KRR1: variants seen among roughly 807,000 people sequenced by gnomAD.
KRR1 encodes the protein KRR1 small subunit processome component.
KRR1 carries 23 observed loss-of-function variants against 50.0 expected under a neutral mutation model. The observed-to-expected ratio is 0.46, with a 90% CI of 0.33 to 0.65. KRR1 has a LOEUF of 0.65. Ranked by LOEUF, KRR1 falls within the 30% of genes least tolerant of loss-of-function variation. The probability of loss-of-function intolerance (pLI) is 0.02; values close to 1 mark genes in which losing one functional copy is unlikely to be tolerated. For synonymous variants in KRR1, 133 were observed against 146.3 expected (o/e 0.91, Z 0.66); for missense variants, 419 against 442.4 (o/e 0.95, Z 0.47).
intron 9 of KRR1, chr12:75,501,437 ATGCACTGGCTGCC>A (rs2046393055): frequency 3.4e-6 from 1 of 291,054 alleles, no homozygotes; most frequent in Non-Finnish European, 6.4e-6. Flanking sequence ...TCTACAGAAG[ATGCACTGGCTGCC>A]CTGGGTTTGT....
At chr12:75,502,649 T>C (rs1012278594) in intron 7 of KRR1, 2 of 152,052 alleles carry the variant, frequency 1.3e-5, no homozygotes, top group African/African-American at 4.8e-5. Flanking sequence ...GGTATTACCA[T>C]TACTCCCACT....
chr12:75,506,300 A>G lies in KRR1; in HGVS notation c.603+16T>C, dbSNP rs754680414. ...TCTCTGCTGAAAATGAATCGAAGAT[A>G]ATACATAGTTCTCACCTCTTTTAAG... is the stretch of plus-strand genomic sequence containing the variant. On this transcript the variant is annotated intron_variant, in intron 5 of 9. Transcript: ENST00000229214. 1 of 1,491,260 alleles carries G rather than the reference A, an allele frequency of 6.7e-7. No homozygotes were observed. Among genetic ancestry groups the G allele is most frequent in the Non-Finnish European group, 9.2e-7 (1 of 1,081,790 alleles). The allele number at this position is 1,491,260 out of a possible 1,614,324, so 92.4% of individuals were successfully genotyped here.
chr12:75,499,009 C>T lies in KRR1; in HGVS notation c.*800G>A. On this transcript the variant is annotated 3_prime_UTR_variant, in exon 10 of 10. Transcript: ENST00000229214. ...TTCAGGAAAGAAAAAACCCAAAAAC[C>T]AACCTCATTCACATATGGCTTTTTT... 1 of 1,471,148 alleles carries T rather than the reference C, an allele frequency of 6.8e-7. No homozygotes were observed. Among genetic ancestry groups the T allele is most frequent in the Non-Finnish European group, 9.1e-7 (1 of 1,099,590 alleles). 91.1% of individuals were successfully genotyped at this position (1,471,148 alleles called of 1,614,324 possible).
chr12:75,508,428 G>A lies in KRR1; in HGVS notation c.104C>T (p.Thr35Met), dbSNP rs375387200. 2.3e-5 allele frequency: 37 copies of A among 1,604,974 alleles called. No individual in the cohort carries two copies. The highest frequency in any genetic ancestry group is 1.8e-4 in the African/African-American group (13 of 74,162). The change falls in exon 2 of 10, where the codon ACG becomes ATG. Residue 35 changes from threonine to methionine, a missense_variant. By Grantham distance (81) the Thr-to-Met change is moderately conservative. Transcript: ENST00000229214. ...TGGTTCCTTCCAACCATCAGGAACC[G>A]TAAGGAGTTCTGATTCATCTACAGA... The part of the protein sequence containing the change: ...PENQDESELL[T>M]VPDGWKEPAF...
Position 75,494,673 on chromosome 12 carries a change from A to C in KRR1, c.*5136T>G, listed in dbSNP as rs1196587859. On this transcript the variant is annotated 3_prime_UTR_variant, in exon 10 of 10. Transcript: ENST00000229214. ...GACTGCCAAAGGGTACGATTACACA[A>C]AAAAGTTTAGAACTTTTTCCAAAAG... The C allele has an allele frequency of 4.6e-5, 7 of 152,234 alleles. No individual in the cohort carries two copies. Among genetic ancestry groups the C allele is most frequent in the Non-Finnish European group, 8.8e-5 (6 of 68,046 alleles). 9.4% of individuals were successfully genotyped at this position (152,234 alleles called of 1,614,324 possible).
chr12:75,492,635 ACTTAT>A lies in KRR1; in HGVS notation c.*7169_*7173del, dbSNP rs2046329816. 6.6e-6 allele frequency: 1 copy of A among 152,198 alleles called. No individual in the cohort carries two copies. The highest frequency in any genetic ancestry group is 2.4e-5 in the African/African-American group (1 of 41,464). The allele number at this position is 152,198 out of a possible 1,614,324, so 9.4% of individuals were successfully genotyped here. ...ATGTAAATTTTCCTGGTTTAGACTC[ACTTAT>A]CTTCAGAGTTATAAACAATATTAAA... On this transcript the variant is annotated 3_prime_UTR_variant, in exon 10 of 10. Transcript: ENST00000229214.
intron 1 of KRR1, among the ~76,000 whole-genome samples, chr12:75,508,872 G>A (rs1467662254): frequency 6.6e-6 from 1 of 152,270 alleles, no homozygotes; most frequent in African/African-American, 2.4e-5. Flanking sequence ...ATGGAATCTG[G>A]ATGTATGTGT....
Position 75,506,519 on chromosome 12 carries a change from G to C in KRR1, c.484C>G (p.Gln162Glu). 1 of 1,590,228 alleles carries C rather than the reference G, an allele frequency of 6.3e-7. No homozygotes were observed. The highest frequency in any genetic ancestry group is 8.6e-7 in the Non-Finnish European group (1 of 1,167,688). The change falls in exon 4 of 10, where the codon CAA (glutamine) becomes GAA (glutamate). Residue 162 changes from glutamine to glutamate, a missense_variant. Physicochemically the swap from Gln to Glu is conservative, Grantham distance 29 (BLOSUM62 2). Coordinates refer to ENST00000229214, the MANE Select transcript of KRR1 (RefSeq NM_007043.7). Reference protein sequence around the residue: ...RNKERFVKRRQRLIGPKGSTL... With the variant: ...RNKERFVKRRERLIGPKGSTL... ...GATCCTTTGGGACCAATAAGCCGTT[G>C]TCTTCGTTTTACAAATCTCTCTTTA...
chr12:75,492,386 A>G lies in KRR1; in HGVS notation c.*7423T>C, dbSNP rs1023987529. On this transcript the variant is annotated 3_prime_UTR_variant, in exon 10 of 10. Coordinates refer to ENST00000229214, the MANE Select transcript of KRR1 (RefSeq NM_007043.7). ...CATGAGCCACTACACCCGGCCTCAT[A>G]TGACATTTTTAATGGTTAAGATACA... 1 of 152,178 alleles carries G rather than the reference A, an allele frequency of 6.6e-6. No homozygotes were observed. Among genetic ancestry groups the G allele is most frequent in the Admixed American group, 6.5e-5 (1 of 15,278 alleles). The allele number at this position is 152,178 out of a possible 1,614,324, so 9.4% of individuals were successfully genotyped here.
At position 75,497,061 on chromosome 12, in the gene KRR1, TTAACCAGTATACA is replaced by T. The variant is rs2046355934; in HGVS notation, c.*2735_*2747del. On this transcript the variant is annotated 3_prime_UTR_variant, in exon 10 of 10. Transcript: ENST00000229214. ...AACGTATATATTTCTTCCTTCCAAA[TTAACCAGTATACA>T]TAAGGGCTAAAACTATGGATTTCAG... 1 of 152,230 alleles carries T rather than the reference TTAACCAGTATACA, an allele frequency of 6.6e-6. No individual in the cohort carries two copies. The allele number at this position is 152,230 out of a possible 1,614,324, so 9.4% of individuals were successfully genotyped here. A position where few individuals can be genotyped will look rare whatever the true frequency, so the allele number is the denominator to read the frequency against.
chr12:75,498,084 G>A lies in KRR1; in HGVS notation c.*1725C>T, dbSNP rs2046362709. 1 of 152,542 alleles carries A rather than the reference G, an allele frequency of 6.6e-6. No individual in the cohort carries two copies. The highest frequency in any genetic ancestry group is 2.1e-4 in the South Asian group (1 of 4,836). The allele number at this position is 152,542 out of a possible 1,614,324, so 9.4% of individuals were successfully genotyped here. A position where few individuals can be genotyped will look rare whatever the true frequency, so the allele number is the denominator to read the frequency against. On this transcript the variant is annotated 3_prime_UTR_variant, in exon 10 of 10. Transcript: ENST00000229214. Reference sequence around the variant, plus strand: ...CCACGAGCATCTAATAGCGACTGCTGCAGAACTGGTGTGGAAAAGGTTTCT... The same window carrying A: ...CCACGAGCATCTAATAGCGACTGCTACAGAACTGGTGTGGAAAAGGTTTCT...
chr12:75,506,111 C>T, intron 5 of KRR1: 1 of 423,112 alleles, frequency 2.4e-6, no homozygotes, highest in South Asian at 3.2e-5. Context: ...TGGATGTCTC[C>T]ATAGTTGCCA....
intron 5 of KRR1, among the ~76,000 whole-genome samples, chr12:75,505,998 G>GT (rs1416680498): frequency 2.6e-5 from 4 of 152,064 alleles, no homozygotes; most frequent in African/African-American, 7.2e-5. Context: ...TTGGACATAT[G>GT]TAACTATACC....
chr12:75,495,643 G>C lies in KRR1; in HGVS notation c.*4166C>G, dbSNP rs761963810. ...GCAGTGCCTGCCCCAATAATGACAA[G>C]TGTTTGGACAATCTCTGTGGTGAGT... On this transcript the variant is annotated 3_prime_UTR_variant, in exon 10 of 10. Coordinates refer to ENST00000229214, the MANE Select transcript of KRR1 (RefSeq NM_007043.7). 164 of 1,606,670 alleles carry C rather than the reference G, an allele frequency of 1.0e-4. No homozygotes were observed. Among genetic ancestry groups the C allele is most frequent in the Non-Finnish European group, 1.4e-4 (161 of 1,173,464 alleles).
In KRR1 at chr12:75,499,715, C is replaced by A; in HGVS notation, c.*94G>T. On this transcript the variant is annotated 3_prime_UTR_variant, in exon 10 of 10. Coordinates refer to ENST00000229214, the MANE Select transcript of KRR1 (RefSeq NM_007043.7). Reference sequence around the variant, plus strand: ...ACCACCACCAAAAAAAAAAAAAGCCCTCAGAAAATTTCTCACAAATAAGGC... The same window carrying A: ...ACCACCACCAAAAAAAAAAAAAGCCATCAGAAAATTTCTCACAAATAAGGC... 1 of 861,750 alleles carries A rather than the reference C, an allele frequency of 1.2e-6. No individual in the cohort carries two copies. Among genetic ancestry groups the A allele is most frequent in the Non-Finnish European group, 1.7e-6 (1 of 590,864 alleles). 53.4% of individuals were successfully genotyped at this position (861,750 alleles called of 1,614,324 possible).
rs938018483 is a variant in KRR1 at position 75,494,542 on chromosome 12, A to C, written c.*5267T>G. 2 of 152,214 alleles carry C rather than the reference A, an allele frequency of 1.3e-5. No individual in the cohort carries two copies. The highest frequency in any genetic ancestry group is 4.8e-5 in the African/African-American group (2 of 41,454). 9.4% of individuals were successfully genotyped at this position (152,214 alleles called of 1,614,324 possible). ...ATTACTTTATCACAAATCTTGTTTT[A>C]AACATTTTGATAACTATTTCAATTT... On this transcript the variant is annotated 3_prime_UTR_variant, in exon 10 of 10. Coordinates refer to ENST00000229214, the MANE Select transcript of KRR1 (RefSeq NM_007043.7).
chr12:75,496,182 C>T lies in KRR1; in HGVS notation c.*3627G>A, dbSNP rs1359396607. On this transcript the variant is annotated 3_prime_UTR_variant, in exon 10 of 10. Transcript: ENST00000229214. Reference sequence around the variant, plus strand: ...CCCAGCCTGGCCAACATGGCAAAAACCCCCTCTACTAAAAATACAAAAACT... The same window carrying T: ...CCCAGCCTGGCCAACATGGCAAAAATCCCCTCTACTAAAAATACAAAAACT... 1 of 151,776 alleles carries T rather than the reference C, an allele frequency of 6.6e-6. No homozygotes were observed. The highest frequency in any genetic ancestry group is 1.5e-5 in the Non-Finnish European group (1 of 68,154). 9.4% of individuals were successfully genotyped at this position (151,776 alleles called of 1,614,324 possible). A position where few individuals can be genotyped will look rare whatever the true frequency, so the allele number is the denominator to read the frequency against.
Position 75,495,175 on chromosome 12 carries a change from A to G in KRR1, c.*4634T>C, listed in dbSNP as rs7971504. On this transcript the variant is annotated 3_prime_UTR_variant, in exon 10 of 10. Coordinates refer to ENST00000229214, the MANE Select transcript of KRR1 (RefSeq NM_007043.7). ...GCTTTTCTAAGATGGACAGTTTTTT[A>G]AATGGCAGTAATCATATAGGCCAGA... 0.64 allele frequency: 97,279 copies of G among 152,792 alleles called. 31,207 individuals are homozygous for G. The highest frequency in any genetic ancestry group is 0.68 in the South Asian group (3,276 of 4,848). The allele number at this position is 152,792 out of a possible 1,614,324, so 9.5% of individuals were successfully genotyped here. A position where few individuals can be genotyped will look rare whatever the true frequency, so the allele number is the denominator to read the frequency against.
chr12:75,504,812 T>G (rs929395751), intron 6 of KRR1, among the ~76,000 whole-genome samples: 3 of 151,986 alleles, frequency 2.0e-5, no homozygotes, highest in Non-Finnish European at 4.4e-5. Context: ...TAACGCAACA[T>G]GAGATGTTCC....
Sources: gnomAD v4.1 joint callset for allele counts (sites outside exome capture counted in the v4.1 genomes callset) on GRCh38, gnomAD v4.1.1 for gene constraint, MANE v1.5 for transcripts, NCBI Gene and HGNC (gene_info 2026-07-23, HGNC 2026-07-21) for gene names.